Variants in MYOF observed in about 807,000 individuals in gnomAD.
The protein encoded by MYOF is myoferlin.
A neutral mutation model predicts 284.2 loss-of-function variants in MYOF; 244 were observed. The ratio of observed to expected loss-of-function variants is 0.86; its 90% CI spans 0.77 to 0.95. The LOEUF (loss-of-function observed/expected upper bound fraction) is 0.95, where lower values mean the gene tolerates loss of function less well. Ranked by LOEUF, MYOF falls within the 40% of genes least tolerant of loss-of-function variation. The probability of loss-of-function intolerance (pLI) is 0.00; values close to 1 mark genes in which losing one functional copy is unlikely to be tolerated. For missense variants in MYOF, 2,496 were observed against 2,560.6 expected, an observed-to-expected ratio of 0.97 and a Z score of 0.54; for synonymous variants, 904 against 919.7, an observed-to-expected ratio of 0.98 and a Z score of 0.31.
At position 93,329,871 on chromosome 10, in the gene MYOF, C is replaced by T. The variant is rs774333304; in HGVS notation, c.4812-37G>A. On this transcript the variant is annotated intron_variant, in intron 43 of 53. Coordinates refer to ENST00000359263, the MANE Select transcript of MYOF (RefSeq NM_013451.4). ...AATGCAAGGTCAGAATCTTCATGATCCATCTGAGTACCTCACAAAAACTGG... is the reference window on the plus strand; with the variant it reads ...AATGCAAGGTCAGAATCTTCATGATTCATCTGAGTACCTCACAAAAACTGG... The T allele has an allele frequency of 4.9e-5, 78 of 1,608,108 alleles. 1 individual carries two copies. In the South Asian group the frequency reaches 8.4e-4, roughly 17 times the overall value.
chr10:93,381,096 T>A, intron 20 of MYOF, 123 bp downstream of exon 20: 1 of 1,101,046 alleles, frequency 9.1e-7, no homozygotes, highest in Non-Finnish European at 1.3e-6. Context: ...TCATTCAACC[T>A]TTTCCTTTCC....
intron 5 of MYOF, among the ~76,000 whole-genome samples, chr10:93,425,284 G>C: frequency 6.6e-6 from 1 of 152,116 alleles, no homozygotes; most frequent in South Asian, 2.1e-4. Context: ...GGTGAGATAA[G>C]GGGCCCCTCC....
At chr10:93,443,718 C>T (rs777706001) in intron 3 of MYOF, among the ~76,000 whole-genome samples, 2 of 152,160 alleles carry the variant, frequency 1.3e-5, no homozygotes, top group Non-Finnish European at 2.9e-5. Context: ...CTGTTCTGTG[C>T]CAGCAAAGTC....
chr10:93,417,490 G>A (rs1346456909), intron 5 of MYOF, among the ~76,000 whole-genome samples: 1 of 152,050 alleles, frequency 6.6e-6, no homozygotes, highest in Non-Finnish European at 1.5e-5. Context: ...AGAGGACCTC[G>A]TGATACAGTC....
Position 93,342,138 on chromosome 10 carries a change from C to T in MYOF, c.4326+1718G>A, listed in dbSNP as rs554682624. The stretch of plus-strand genomic sequence containing the variant: ...ATCACAGAGTAATGCCATGAGTTTC[C>T]GGAGTGTGACACTGTCACTCAGAGA... On this transcript the variant is annotated intron_variant, in intron 38 of 53. Coordinates refer to ENST00000359263, the MANE Select transcript of MYOF (RefSeq NM_013451.4). 1.1e-4 allele frequency among the ~76,000 whole-genome samples: 17 copies of T among 152,286 alleles called. No homozygotes were observed. The East Asian group carries it at 1.9e-3, about 17-fold the overall frequency.
At chr10:93,416,287 C>G (rs759767783) in intron 5 of MYOF, among the ~76,000 whole-genome samples, 1 of 152,064 alleles carries the variant, frequency 6.6e-6, no homozygotes, top group Non-Finnish European at 1.5e-5. Flanking sequence ...GAGGCCAAGG[C>G]GGGTGGATCA....
chr10:93,351,986 G>A (rs1180190973), intron 32 of MYOF, 140 bp from the exon 33 acceptor site: 1 of 768,200 alleles, frequency 1.3e-6, no homozygotes, highest in Non-Finnish European at 2.0e-6. Flanking sequence ...GGTTTCTAGG[G>A]AGCAGGGAGT....
chr10:93,345,059 A>G (rs1429950651), intron 37 of MYOF, among the ~76,000 whole-genome samples: 1 of 152,204 alleles, frequency 6.6e-6, no homozygotes, highest in Non-Finnish European at 1.5e-5. Context: ...AGCACCAAAC[A>G]GGAAGACATT....
At chr10:93,480,348 A>C (rs2057359105) in intron 1 of MYOF, among the ~76,000 whole-genome samples, 1 of 152,060 alleles carries the variant, frequency 6.6e-6, no homozygotes, top group African/African-American at 2.4e-5. Context: ...CAAGGGAATT[A>C]TAACCAGCCT....
Position 93,325,919 on chromosome 10 carries a change from C to G in MYOF, c.5178G>C (p.Arg1726=). The change falls in exon 46 of 54, where the codon CGG becomes CGC. Residue 1726 remains arginine, a synonymous_variant. Transcript: ENST00000359263. ...GAGTCCTGAGGATGTGAAGAGCAAGCCGCTCTTCAGGGGCCCCGAGGTGCT... is the reference window on the plus strand; with the variant it reads ...GAGTCCTGAGGATGTGAAGAGCAAGGCGCTCTTCAGGGGCCCCGAGGTGCT... ...LHQHLGAPEE[R]LALHILRTQG... is the part of the protein sequence containing the mutation. 2 of 1,614,016 alleles carry G rather than the reference C, an allele frequency of 1.2e-6. No homozygotes were observed. The highest frequency in any genetic ancestry group is 1.7e-6 in the Non-Finnish European group (2 of 1,179,966).
chr10:93,450,212 T>TA (rs1287403511), intron 3 of MYOF, among the ~76,000 whole-genome samples: 1 of 152,016 alleles, frequency 6.6e-6, no homozygotes, highest in Non-Finnish European at 1.5e-5. Context: ...ACCAACATGG[T>TA]AAAACCCCAT....
At chr10:93,431,640 G>A (rs1848876585) in intron 3 of MYOF, 124 bp from the exon 4 acceptor site, 1 of 681,240 alleles carries the variant, frequency 1.5e-6, no homozygotes, top group Non-Finnish European at 2.5e-6. Flanking sequence ...TGAGATGTGG[G>A]CCATTTTGCT....
rs1323719696 is a variant in MYOF, at chr10:93,422,940, G to A, written c.433+3131C>T. On this transcript the variant is annotated intron_variant, in intron 5 of 53. Coordinates refer to ENST00000359263, the MANE Select transcript of MYOF (RefSeq NM_013451.4). Reference sequence around the variant, plus strand: ...TTTTTTCCTAAAGGCCTGGCAGAAGGGGTAACACAAGAGGACCCATTTAAT... The same window carrying A: ...TTTTTTCCTAAAGGCCTGGCAGAAGAGGTAACACAAGAGGACCCATTTAAT... 2.6e-5 allele frequency among the ~76,000 whole-genome samples: 4 copies of A among 152,002 alleles called. No individual in the cohort carries two copies. The East Asian group carries it at 7.7e-4, about 29-fold the overall frequency.
At chr10:93,338,427 TG>T in intron 39 of MYOF, 1 of 455,890 alleles carries the variant, frequency 2.2e-6, no homozygotes, top group South Asian at 1.5e-5. Context: ...TGTACTGGCT[TG>T]GGCAAGTTGT....
Position 93,323,320 on chromosome 10 carries a change from A to ACTC in MYOF, c.5307_5309dup (p.Lys1769_Ser1770insArg). On this transcript the variant is annotated inframe_insertion, in exon 47 of 54. Coordinates refer to ENST00000359263, the MANE Select transcript of MYOF (RefSeq NM_013451.4). ...TGAAAGGAGGGCCTGGTGGCCCCAA[A>ACTC]CTCTTGGGGAAAACATCCACCCACA... 6.2e-7 allele frequency: 1 copy of ACTC among 1,613,914 alleles called. No homozygotes were observed.
chr10:93,411,470 G>A (rs974124818), intron 5 of MYOF, among the ~76,000 whole-genome samples: 10 of 152,182 alleles, frequency 6.6e-5, no homozygotes, highest in African/African-American at 1.7e-4. Context: ...ATATCATCAC[G>A]TTCAGGGTTA....
chr10:93,313,012 G>C lies in MYOF; in HGVS notation c.5889+8C>G. 1 of 1,598,888 alleles carries C rather than the reference G, an allele frequency of 6.3e-7. No homozygotes were observed. The highest frequency in any genetic ancestry group is 1.1e-5 in the South Asian group (1 of 88,398). On this transcript the variant is annotated splice_region_variant and intron_variant, in intron 51 of 53. Transcript: ENST00000359263. ...CGATTTTCAACCAGAACCAGGAAAT[G>C]TTCATACAGCCATTACGCGGGCGCC...
chr10:93,318,425 A>G lies in MYOF; in HGVS notation c.5598+1447T>C, dbSNP rs534929511. 2.6e-5 allele frequency among the ~76,000 whole-genome samples: 4 copies of G among 152,026 alleles called. No individual in the cohort carries two copies. The South Asian group carries it at 8.3e-4, about 32-fold the overall frequency. On this transcript the variant is annotated intron_variant, in intron 49 of 53. Transcript: ENST00000359263. ...GGCAGAGTGAGACCCTATCTCAAAA[A>G]GAAAAAAGTCCCCTTTGAAGGCGTT... is the stretch of plus-strand genomic sequence containing the variant.
At chr10:93,356,068 G>GAGC (rs1485984784) in intron 30 of MYOF, among the ~76,000 whole-genome samples, 6 of 152,128 alleles carry the variant, frequency 3.9e-5, no homozygotes, top group South Asian at 2.1e-4. Context: ...GGAAGAGAAA[G>GAGC]AGCAGCAGCA....
Sources: gnomAD v4.1 joint callset for allele counts (sites outside exome capture counted in the v4.1 genomes callset) on GRCh38, gnomAD v4.1.1 for gene constraint, MANE v1.5 for transcripts, NCBI Gene and HGNC (gene_info 2026-07-23, HGNC 2026-07-21) for gene names.